Variants in LYST observed in about 807,000 individuals in gnomAD.
LYST encodes lysosomal-trafficking regulator.
In LYST, 192 loss-of-function variants were observed where a neutral mutation model predicts 413.6. The ratio of observed to expected loss-of-function variants is 0.46; its 90% confidence interval spans 0.41 to 0.52. The LOEUF (loss-of-function observed/expected upper bound fraction) is 0.52, where lower values mean the gene tolerates loss of function less well. LYST is among the 20% of genes least tolerant of loss of function. The pLI is 0.00. For missense variants in LYST, 3,815 were observed against 4,499.9 expected (o/e 0.85, Z 4.35); for synonymous variants, 1,525 against 1,567.3 (o/e 0.97, Z 0.64).
At chr1:235,820,656 C>G (rs1674657931) in intron 3 of LYST, among the ~76,000 whole-genome samples, 1 of 152,164 alleles carries the variant, frequency 6.6e-6, no homozygotes. Context: ...CAGGGGTGAA[C>G]CACCACATCC....
Position 235,812,974 on chromosome 1 carries a change from T to A in LYST, c.280A>T (p.Thr94Ser). ...WKIPVQEEKA[T>S]DFNLPLSADI... The stretch of plus-strand genomic sequence containing the variant: ...ATGATAAAGGGAAAAAGCATACCTG[T>A]TGCCTTTTCTTCTTGGACAGGTATC... Residue 94 changes from threonine to serine, a missense_variant, in exon 4 of 53, where the codon ACA becomes TCA. Physicochemically the swap from Thr to Ser is moderately conservative, Grantham distance 58. Transcript: ENST00000389793. 6.3e-7 allele frequency: 1 copy of A among 1,599,548 alleles called. No homozygotes were observed. The highest frequency in any genetic ancestry group is 8.6e-7 in the Non-Finnish European group (1 of 1,166,982).
chr1:235,750,196 A>G (rs1215802784), intron 28 of LYST, among the ~76,000 whole-genome samples: 1 of 152,192 alleles, frequency 6.6e-6, no homozygotes, highest in East Asian at 1.9e-4. Context: ...TCAGGACAAA[A>G]GAGATGTACA....
At chr1:235,869,458 C>G (rs943044499), upstream of LYST, among the ~76,000 whole-genome samples, 12 of 151,694 alleles carry the variant, frequency 7.9e-5, no homozygotes, top group African/African-American at 2.7e-4. Flanking sequence ...GGTGAAAGAG[C>G]GAGACTCCGT....
chr1:235,855,075 T>C (rs1369638050), intron 1 of LYST, among the ~76,000 whole-genome samples: 1 of 152,230 alleles, frequency 6.6e-6, no homozygotes, highest in Non-Finnish European at 1.5e-5. Context: ...TAATTTTTTA[T>C]CATGTTGCTA....
Position 235,759,407 on chromosome 1 carries a change from G to A in LYST, c.6446C>T (p.Ser2149Phe). The stretch of plus-strand genomic sequence containing the variant: ...TTTCAGTGTGTCGGAACTCCCCAAA[G>A]AATTTTGTTTCTTTGATTGGGTGGC... ...YVATQSKKQN[S>F]LGSSDTLKKG... is the part of the protein sequence containing the mutation. The change falls in exon 23 of 53, where the codon TCT becomes TTT. Residue 2149 changes from serine to phenylalanine, a missense_variant. Coordinates refer to ENST00000389793, the MANE Select transcript of LYST (RefSeq NM_000081.4). 6.2e-7 allele frequency: 1 copy of A among 1,614,096 alleles called. No homozygotes were observed. The highest frequency in any genetic ancestry group is 8.5e-7 in the Non-Finnish European group (1 of 1,179,980).
At chr1:235,747,286 T>C in intron 28 of LYST, 2 of 452,318 alleles carry the variant, frequency 4.4e-6, no homozygotes, top group South Asian at 1.6e-5. Context: ...ACCAAAATGA[T>C]GTCTTGGTAG....
At chr1:235,675,768 T>G (rs1305096170) in intron 50 of LYST, among the ~76,000 whole-genome samples, 1 of 152,186 alleles carries the variant, frequency 6.6e-6, no homozygotes, top group African/African-American at 2.4e-5. Context: ...AGCAAATTAT[T>G]GAACCTGAGG....
intron 31 of LYST, chr1:235,737,921 G>GTGTA: frequency 1.7e-4 from 200 of 1,176,800 alleles, no homozygotes; most frequent in Admixed American, 1.4e-3. Context: ...CGACGAGTCT[G>GTGTA]GATCTCACTG....
At chr1:235,844,128 GGTTA>G (rs1194540971) in intron 1 of LYST, among the ~76,000 whole-genome samples, 2 of 152,090 alleles carry the variant, frequency 1.3e-5, no homozygotes, top group East Asian at 1.9e-4. Context: ...TGAAAATAAA[GGTTA>G]GTTTATATGG....
At chr1:235,677,271 A>T in intron 49 of LYST, 83 bp from the exon 50 acceptor site, 1 of 1,192,982 alleles carries the variant, frequency 8.4e-7, no homozygotes, top group Non-Finnish European at 1.2e-6. Context: ...TTCTCAGTCT[A>T]TGTACCTATT....
chr1:235,837,682 T>C (rs375589572), intron 1 of LYST, among the ~76,000 whole-genome samples: 1 of 150,916 alleles, frequency 6.6e-6, no homozygotes, highest in African/African-American at 2.4e-5. Context: ...AGACTGGGAA[T>C]TGACTGCTGG....
At chr1:235,723,896 A>T in intron 39 of LYST, 132 bp downstream of exon 39, 2 of 759,332 alleles carry the variant, frequency 2.6e-6, no homozygotes, top group Non-Finnish European at 4.4e-6. Context: ...CAAAGGCTTC[A>T]CTTTAATCAG....
intron 1 of LYST, among the ~76,000 whole-genome samples, chr1:235,877,394 C>T (rs1043602185): frequency 2.0e-5 from 3 of 152,186 alleles, no homozygotes; most frequent in South Asian, 4.1e-4. Flanking sequence ...AAACAGTTCA[C>T]TTATGGTCAA....
Position 235,780,147 on chromosome 1 carries a change from C to A in LYST, c.5214+718G>T, listed in dbSNP as rs540124842. Reference sequence around the variant, plus strand: ...TTAGGCCAGGCATGGTGGCTCATGCCTGTAATCTCACCATTTGGGAGGCTG... The same window carrying A: ...TTAGGCCAGGCATGGTGGCTCATGCATGTAATCTCACCATTTGGGAGGCTG... On this transcript the variant is annotated intron_variant, in intron 16 of 52. Coordinates refer to ENST00000389793, the MANE Select transcript of LYST (RefSeq NM_000081.4). Among the ~76,000 whole-genome samples, 3 of 152,126 alleles carry A rather than the reference C, an allele frequency of 2.0e-5. No individual in the cohort carries two copies. The South Asian group carries it at 6.2e-4, about 32-fold the overall frequency.
At chr1:235,804,191 T>C (rs893769710) in intron 7 of LYST, among the ~76,000 whole-genome samples, 16 of 152,192 alleles carry the variant, frequency 1.1e-4, no homozygotes, top group African/African-American at 3.9e-4. Flanking sequence ...TAATACACTA[T>C]CAGGTATATG....
At chr1:235,701,456 C>A (rs978287789) in intron 45 of LYST, among the ~76,000 whole-genome samples, 1 of 151,874 alleles carries the variant, frequency 6.6e-6, no homozygotes, top group African/African-American at 2.4e-5. Context: ...GGTGAAACCC[C>A]GTCTCTATTA....
intron 29 of LYST, among the ~76,000 whole-genome samples, chr1:235,745,495 C>T (rs1043082225): frequency 1.7e-4 from 26 of 152,198 alleles, no homozygotes; most frequent in Non-Finnish European, 2.9e-5. Flanking sequence ...ACTACAGCCA[C>T]TCTGGAAAAG....
intron 1 of LYST, among the ~76,000 whole-genome samples, chr1:235,838,001 A>G (rs1390818893): frequency 6.6e-6 from 1 of 152,202 alleles, no homozygotes; most frequent in African/African-American, 2.4e-5. Flanking sequence ...GGCAAAACGA[A>G]GAAGACCAAC....
At chr1:235,698,519 A>C (rs1478723889) in intron 45 of LYST, among the ~76,000 whole-genome samples, 1 of 152,148 alleles carries the variant, frequency 6.6e-6, no homozygotes, top group Non-Finnish European at 1.5e-5. Flanking sequence ...AAGCTTCTAA[A>C]ATTTTGTCTA....
Sources: gnomAD v4.1 joint callset for allele counts (sites outside exome capture counted in the v4.1 genomes callset) on GRCh38, gnomAD v4.1.1 for gene constraint, MANE v1.5 for transcripts, NCBI Gene and HGNC (gene_info 2026-07-23, HGNC 2026-07-21) for gene names.